Variants in DLG2 observed in about 807,000 individuals in gnomAD.
DLG2 encodes disks large homolog 2.
A neutral mutation model predicts 132.5 loss-of-function variants in DLG2; 45 were observed. That is an observed-to-expected ratio of 0.34 (90% CI 0.27 to 0.44). The LOEUF (loss-of-function observed/expected upper bound fraction) is 0.44. Ranked by LOEUF, DLG2 falls within the 20% of genes least tolerant of loss-of-function variation. DLG2 has a pLI of 1.00. For synonymous variants in DLG2, 424 were observed against 419.6 expected, an observed-to-expected ratio of 1.01 and a Z score of -0.13; for missense variants, 1,045 against 1,196.9, an observed-to-expected ratio of 0.87 and a Z score of 1.87.
chr11:84,851,487 C>G (rs2082160385), intron 6 of DLG2, among the ~76,000 whole-genome samples: 1 of 151,998 alleles, frequency 6.6e-6, no homozygotes, highest in Admixed American at 6.6e-5. Context: ...GGCTTCAGCC[C>G]CCACTGTTAG....
Position 84,291,728 on chromosome 11 carries a change from C to T in DLG2, c.520-40437G>A, listed in dbSNP as rs115941042. ...AAATATTGGTAGCACAAATAATTAG[C>T]TAATTAGGCAAAGTTTTTCTATAAA... On this transcript the variant is annotated intron_variant, in intron 7 of 27. Coordinates refer to ENST00000376104, the MANE Select transcript of DLG2 (RefSeq NM_001142699.3). Among the ~76,000 whole-genome samples, 396 of 152,196 alleles carry T rather than the reference C, an allele frequency of 2.6e-3. 1 individual carries two copies. The highest frequency in any genetic ancestry group is 9.1e-3 in the African/African-American group (376 of 41,546).
At chr11:85,406,135 A>T (rs1278141515) in intron 3 of DLG2, among the ~76,000 whole-genome samples, 1 of 151,928 alleles carries the variant, frequency 6.6e-6, no homozygotes, top group African/African-American at 2.4e-5. Flanking sequence ...GGGTAGACTG[A>T]TGGATATCAA....
chr11:84,600,200 GAA>G (rs1271320530), intron 6 of DLG2, among the ~76,000 whole-genome samples: 5 of 136,600 alleles, frequency 3.7e-5, no homozygotes, highest in African/African-American at 1.6e-4. Flanking sequence ...AAGAAAGAAA[GAA>G]AGAAAGAAAG....
intron 4 of DLG2, among the ~76,000 whole-genome samples, chr11:85,208,177 C>G (rs1595390959): frequency 2.0e-5 from 3 of 152,128 alleles, no homozygotes; most frequent in Admixed American, 2.0e-4. Context: ...AAGTAACCTA[C>G]TGAAGATCAC....
At chr11:84,649,442 A>G (rs990409343) in intron 6 of DLG2, among the ~76,000 whole-genome samples, 16 of 152,208 alleles carry the variant, frequency 1.1e-4, no homozygotes, top group African/African-American at 3.9e-4. Flanking sequence ...AGTGAAGGAG[A>G]AAGGCTGTGT....
chr11:85,400,505 C>T (rs1450802963), intron 3 of DLG2, among the ~76,000 whole-genome samples: 1 of 149,360 alleles, frequency 6.7e-6, no homozygotes, highest in Non-Finnish European at 1.5e-5. Context: ...CGGCATTATT[C>T]ACAATAGCAA....
In DLG2 at chr11:85,484,725, G is replaced by C. The variant is rs1262625300; in HGVS notation, c.40+113932C>G. On this transcript the variant is annotated intron_variant, in intron 3 of 27. Coordinates refer to ENST00000376104, the MANE Select transcript of DLG2 (RefSeq NM_001142699.3). ...CAATAGGTGCTGGAGAGGATGTGGA[G>C]AAATAGGAACACTTTTACACTGTTG... 2.5e-4 allele frequency among the ~76,000 whole-genome samples: 38 copies of C among 151,272 alleles called. No individual in the cohort carries two copies. In the South Asian group the frequency reaches 6.7e-3, roughly 27 times the overall value.
At chr11:83,916,007 C>A (rs1375084235) in intron 15 of DLG2, among the ~76,000 whole-genome samples, 1 of 152,132 alleles carries the variant, frequency 6.6e-6, no homozygotes, top group Non-Finnish European at 1.5e-5. Flanking sequence ...TGGCTCTTTG[C>A]GATTGTCTTC....
chr11:84,659,411 T>C (rs1422606181), intron 6 of DLG2, among the ~76,000 whole-genome samples: 2 of 152,144 alleles, frequency 1.3e-5, no homozygotes, highest in Non-Finnish European at 2.9e-5. Context: ...ATCCTCTTAA[T>C]ATATCTCTTG....
At chr11:84,711,758 C>T (rs1294866041) in intron 6 of DLG2, among the ~76,000 whole-genome samples, 1 of 151,974 alleles carries the variant, frequency 6.6e-6, no homozygotes, top group Non-Finnish European at 1.5e-5. Flanking sequence ...GGAGGACAAT[C>T]TGCTTTATTG....
chr11:83,632,035 G>T (rs1192484010), intron 19 of DLG2: 1 of 152,102 alleles, frequency 6.6e-6, no homozygotes, highest in Non-Finnish European at 1.5e-5. Flanking sequence ...TTTTGAAATG[G>T]AGTTGGCCAA....
At chr11:85,279,181 A>G (rs1180673068) in intron 4 of DLG2, among the ~76,000 whole-genome samples, 1 of 152,176 alleles carries the variant, frequency 6.6e-6, no homozygotes, top group Non-Finnish European at 1.5e-5. Flanking sequence ...GGATCAAGTA[A>G]AAAGGATAGG....
At chr11:85,001,179 G>A (rs1420538356) in intron 6 of DLG2, among the ~76,000 whole-genome samples, 5 of 150,464 alleles carry the variant, frequency 3.3e-5, no homozygotes, top group East Asian at 2.0e-4. Flanking sequence ...CTGCAGCCTC[G>A]ATCTCCCACG....
chr11:85,608,637 A>C (rs949228724), intron 2 of DLG2, among the ~76,000 whole-genome samples: 2 of 152,026 alleles, frequency 1.3e-5, no homozygotes, highest in African/African-American at 4.8e-5. Context: ...TAAGCAAAGA[A>C]ATCTCCAAAG....
chr11:85,357,704 T>TTTTA (rs2083821292), intron 3 of DLG2, among the ~76,000 whole-genome samples: 2 of 106,274 alleles, frequency 1.9e-5, no homozygotes, highest in South Asian at 3.7e-4. Context: ...CTGTTCTGAA[T>TTTTA]TATATATATA....
intron 6 of DLG2, among the ~76,000 whole-genome samples, chr11:84,883,915 A>G (rs1326547215): frequency 6.6e-6 from 1 of 151,858 alleles, no homozygotes; most frequent in African/African-American, 2.4e-5. Flanking sequence ...TCCTTTTGGC[A>G]GGAAATTGTA....
chr11:83,461,672 C>G (rs1162393958), intron 27 of DLG2: 1 of 200,626 alleles, frequency 5.0e-6, no homozygotes, highest in Non-Finnish European at 1.0e-5. Context: ...TTCAAGTTTT[C>G]TGATGATATC....
chr11:85,001,838 C>T (rs1044475483), intron 6 of DLG2, among the ~76,000 whole-genome samples: 61 of 152,262 alleles, frequency 4.0e-4, no homozygotes, highest in African/African-American at 1.4e-3. Context: ...GTTAATCATG[C>T]ATGTGTGGGG....
intron 6 of DLG2, among the ~76,000 whole-genome samples, chr11:84,802,734 G>A (rs1400348098): frequency 6.6e-6 from 1 of 151,662 alleles, no homozygotes; most frequent in Non-Finnish European, 1.5e-5. Flanking sequence ...GAATTGTTCT[G>A]TGTTAGGGGG....
Sources: allele counts gnomAD v4.1 joint callset (sites outside exome capture counted in the v4.1 genomes callset), GRCh38; gene constraint gnomAD v4.1.1; transcripts MANE v1.5; gene names NCBI Gene and HGNC (gene_info 2026-07-23, HGNC 2026-07-21).